LRRC4B: variants seen among roughly 807,000 people sequenced by gnomAD.
LRRC4B encodes leucine-rich repeat-containing protein 4B.
A neutral mutation model predicts 7.3 loss-of-function variants in LRRC4B; 1 was observed. The observed-to-expected ratio is 0.14, with a 90% CI of 0.05 to 0.65. The LOEUF (loss-of-function observed/expected upper bound fraction) is 0.65. Among genes scored for constraint, LRRC4B ranks in the 30% least tolerant of loss-of-function variants. The pLI is 0.84. For synonymous variants in LRRC4B, 500 were observed against 499.2 expected, an observed-to-expected ratio of 1.00 and a Z score of -0.02; for missense variants, 730 against 1,041.6, an observed-to-expected ratio of 0.70 and a Z score of 4.12.
intron 2 of LRRC4B, among the ~76,000 whole-genome samples, chr19:50,531,642 C>G (rs1196254169): frequency 6.6e-6 from 1 of 152,202 alleles, no homozygotes; most frequent in Non-Finnish European, 1.5e-5. Flanking sequence ...GAATTCCAGT[C>G]TATTCTGTCT....
intron 2 of LRRC4B, among the ~76,000 whole-genome samples, chr19:50,541,048 C>CAG (rs1568727107): frequency 3.3e-5 from 5 of 151,540 alleles, no homozygotes; most frequent in Admixed American, 3.3e-4. Flanking sequence ...GCCGGGCGTG[C>CAG]TGGTGGGTGC....
intron 2 of LRRC4B, among the ~76,000 whole-genome samples, chr19:50,525,519 C>G (rs1360055176): frequency 6.6e-6 from 1 of 151,428 alleles, no homozygotes; most frequent in Non-Finnish European, 1.5e-5. Context: ...GATTCTCCTG[C>G]CTCAGCCTCC....
Position 50,548,983 on chromosome 19 carries a change from C to A in LRRC4B, c.-35-110G>T, listed in dbSNP as rs543240821. Reference sequence around the variant, plus strand: ...CCCATCGCCGCCTCCCTGCCCCATGCCCAGAACAAAGGGACAGGGAGGGAG... The same window carrying A: ...CCCATCGCCGCCTCCCTGCCCCATGACCAGAACAAAGGGACAGGGAGGGAG... On this transcript the variant is annotated intron_variant, in intron 1 of 2. Transcript: ENST00000652263. The surrounding 1 kb of genome is among the most constrained non-coding windows in gnomAD (Gnocchi z 6.8). The A allele has an allele frequency of 1.6e-5, 10 of 620,646 alleles. No homozygotes were observed. The South Asian group carries it at 1.8e-4, about 11-fold the overall frequency. The allele number at this position is 620,646 out of a possible 1,614,324, so 38.4% of individuals were successfully genotyped here.
intron 2 of LRRC4B, among the ~76,000 whole-genome samples, chr19:50,532,716 G>C (rs1280259748): frequency 6.6e-6 from 1 of 152,198 alleles, no homozygotes; most frequent in Non-Finnish European, 1.5e-5. Context: ...TGTCTAGGCT[G>C]TGAGTTGGTG....
At position 50,556,254 on chromosome 19, in the gene LRRC4B, T is replaced by TG. The variant is rs1219206262; in HGVS notation, c.-35-7382dup. ...CAACAGGCGGCCCGTGCAGTGGGGG[T>TG]GCAGTCGGGGTGGGGGTGAGGTGCA... On this transcript the variant is annotated intron_variant, in intron 1 of 2. Transcript: ENST00000652263. The surrounding 1 kb of genome is among the most constrained non-coding windows in gnomAD (Gnocchi z 4.2). 7.3e-6 allele frequency among the ~76,000 whole-genome samples: 1 copy of TG among 137,030 alleles called. No homozygotes were observed. The highest frequency in any genetic ancestry group is 1.6e-5 in the Non-Finnish European group (1 of 63,326). 89.9% of individuals were successfully genotyped at this position (137,030 alleles called of 152,430 possible).
At position 50,548,345 on chromosome 19, in the gene LRRC4B, C is replaced by A. The variant is rs1232779786; in HGVS notation, c.297+197G>T. 6.6e-6 allele frequency among the ~76,000 whole-genome samples: 1 copy of A among 152,260 alleles called. No homozygotes were observed. Among genetic ancestry groups the A allele is most frequent in the Non-Finnish European group, 1.5e-5 (1 of 68,044 alleles). ...TGGCTCAGAGACAGGGAGCACTGTG[C>A]TCTCAAAGCCCGGAGGGCCTCCACT... On this transcript the variant is annotated intron_variant, in intron 2 of 2. Coordinates refer to ENST00000652263, the MANE Select transcript of LRRC4B (RefSeq NM_001080457.2). The surrounding 1 kb of genome is among the most constrained non-coding windows in gnomAD (Gnocchi z 6.8).
intron 2 of LRRC4B, among the ~76,000 whole-genome samples, chr19:50,529,576 G>A (rs1047402733): frequency 1.3e-5 from 2 of 152,090 alleles, no homozygotes; most frequent in South Asian, 2.1e-4. Flanking sequence ...AGGCCGAGGC[G>A]GGTGGATCAC....
chr19:50,518,144 AC>A lies in LRRC4B; in HGVS notation c.1568del (p.Gly523ValfsTer38). 1 of 1,601,384 alleles carries A rather than the reference AC, an allele frequency of 6.2e-7. No homozygotes were observed. ...PPGPTTDGVW[G>X]GGRPGDAAGP... ...CGGCCGCGTCCCCAGGCCGGCCCCC[AC>A]CCCAGACACCGTCTGTCGTGGGCCC... is the stretch of plus-strand genomic sequence containing the variant. On this transcript the variant is annotated frameshift_variant, in exon 3 of 3. Coordinates refer to ENST00000652263, the MANE Select transcript of LRRC4B (RefSeq NM_001080457.2). LOFTEE classifies it low-confidence loss of function (END_TRUNC).
intron 1 of LRRC4B, among the ~76,000 whole-genome samples, chr19:50,552,663 T>C (rs1429747445): frequency 8.5e-5 from 11 of 129,256 alleles, no homozygotes; most frequent in African/African-American, 2.9e-4. Flanking sequence ...CATCCATCCA[T>C]CCATCCATCC....
chr19:50,552,683 T>TCCATTCATCCATCCAC (rs1555809092), intron 1 of LRRC4B, among the ~76,000 whole-genome samples: 1,920 of 121,388 alleles, frequency 0.016, 121 homozygotes, highest in Middle Eastern at 0.039. Context: ...CATCCATCCA[T>TCCATTCATCCATCCAC]CCATCCGTCC....
intron 2 of LRRC4B, among the ~76,000 whole-genome samples, chr19:50,546,976 C>T (rs951475155): frequency 6.6e-6 from 1 of 152,232 alleles, no homozygotes; most frequent in Non-Finnish European, 1.5e-5. Context: ...TCGGTCACCA[C>T]CCAGGACAGG....
At position 50,519,320 on chromosome 19, in the gene LRRC4B, G is replaced by T; in HGVS notation, c.393C>A (p.Asn131Lys). Residue 131 changes from asparagine (N) to lysine (K), a missense_variant, in exon 3 of 3, where the codon AAC becomes AAA. Asn to Lys is a moderately conservative substitution (Grantham distance 94). Transcript: ENST00000652263. This position sits in a 1 kb window ranked among gnomAD's most constrained non-coding sequence, Gnocchi z 8.1. ...CCAGCGTGTTGAGGCTGGGCAGCCC[G>T]TTGAAGGCGCCCACCTCGATCTTGC... is the stretch of plus-strand genomic sequence containing the variant. The part of the protein sequence containing the change: ...LVRKIEVGAF[N>K]GLPSLNTLEL... 1.2e-6 allele frequency: 2 copies of T among 1,613,466 alleles called. No homozygotes were observed. Among genetic ancestry groups the T allele is most frequent in the Non-Finnish European group, 8.5e-7 (1 of 1,180,018 alleles).
chr19:50,550,421 A>G (rs1357347117), intron 1 of LRRC4B, among the ~76,000 whole-genome samples: 1 of 151,154 alleles, frequency 6.6e-6, no homozygotes, highest in African/African-American at 2.4e-5. Flanking sequence ...TCACACACTC[A>G]GCAGTGATGG....
At chr19:50,538,896 T>C (rs1981418433) in intron 2 of LRRC4B, among the ~76,000 whole-genome samples, 2 of 143,290 alleles carry the variant, frequency 1.4e-5, no homozygotes, top group South Asian at 4.4e-4. Context: ...GCACGCCGCC[T>C]TTTTTTTTTC....
At chr19:50,522,577 AGTG>A (rs1980632148) in intron 2 of LRRC4B, among the ~76,000 whole-genome samples, 4 of 152,118 alleles carry the variant, frequency 2.6e-5, no homozygotes, top group Non-Finnish European at 1.5e-5. Context: ...GCCGGGTTCA[AGTG>A]ATTCTCCTGC....
At position 50,519,079 on chromosome 19, in the gene LRRC4B, G is replaced by A; in HGVS notation, c.634C>T (p.Leu212Phe). ...AFEGLVNLRY[L>F]NLGMCNLKDI... The stretch of plus-strand genomic sequence containing the variant: ...TTGAGGTTGCACATGCCCAGGTTGA[G>A]GTAGCGCAGGTTGACCAGCCCCTCG... The change falls in exon 3 of 3, where the codon CTC becomes TTC. Residue 212 changes from leucine to phenylalanine, a missense_variant. By Grantham distance (22) the Leu-to-Phe change is conservative. Coordinates refer to ENST00000652263, the MANE Select transcript of LRRC4B (RefSeq NM_001080457.2). The surrounding 1 kb of genome is among the most constrained non-coding windows in gnomAD (Gnocchi z 8.1). 6.2e-7 allele frequency: 1 copy of A among 1,609,156 alleles called. No homozygotes were observed. The highest frequency in any genetic ancestry group is 1.1e-5 in the South Asian group (1 of 91,084).
At position 50,517,967 on chromosome 19, in the gene LRRC4B, G is replaced by A; in HGVS notation, c.1746C>T (p.Phe582=). ...CCGCGGCCATGAACGTGATGGCCAC[G>A]AAGCAGCCGATGATGATTTTGGTGG... ...MKTTKIIIGC[F]VAITFMAAVM... The change falls in exon 3 of 3, where the codon TTC becomes TTT. Residue 582 remains phenylalanine (F), a synonymous_variant. Coordinates refer to ENST00000652263, the MANE Select transcript of LRRC4B (RefSeq NM_001080457.2). This position sits in a 1 kb window ranked among gnomAD's most constrained non-coding sequence, Gnocchi z 6.6. 6.5e-7 allele frequency: 1 copy of A among 1,542,764 alleles called. No homozygotes were observed. The highest frequency in any genetic ancestry group is 1.3e-5 in the South Asian group (1 of 79,714).
chr19:50,561,195 A>G (rs940736999), intron 1 of LRRC4B, among the ~76,000 whole-genome samples: 1 of 144,148 alleles, frequency 6.9e-6, no homozygotes, highest in Non-Finnish European at 1.5e-5. Flanking sequence ...CTTCTCTGCC[A>G]TTGTAAATCC....
At chr19:50,528,057 C>T (rs372598047) in intron 2 of LRRC4B, among the ~76,000 whole-genome samples, 4 of 150,902 alleles carry the variant, frequency 2.7e-5, no homozygotes, top group African/African-American at 9.7e-5. Flanking sequence ...CTCTCTCTTT[C>T]TTTCTGACAG....
Sources: gnomAD v4.1 joint callset for allele counts (sites outside exome capture counted in the v4.1 genomes callset) on GRCh38, gnomAD v4.1.1 for gene constraint, Gnocchi (gnomAD v3.1) non-coding constraint, MANE v1.5 for transcripts, NCBI Gene and HGNC (gene_info 2026-07-23, HGNC 2026-07-21) for gene names.